Variants in ACAN observed in about 807,000 individuals in gnomAD.
ACAN encodes the protein aggrecan, also known as aggrecan core protein.
ACAN carries 47 observed loss-of-function variants against 169.1 expected under a neutral mutation model. That is an observed-to-expected ratio of 0.28 (90% CI 0.22 to 0.35). The LOEUF (loss-of-function observed/expected upper bound fraction) is 0.35, where lower values mean the gene tolerates loss of function less well. Among genes scored for constraint, ACAN ranks in the 10% least tolerant of loss-of-function variants. ACAN has a pLI of 1.00. For missense variants in ACAN, 2,716 were observed against 2,759.9 expected (o/e 0.98, Z 0.36); for synonymous variants, 1,115 against 1,112.2 (o/e 1.00, Z -0.05).
chr15:88,839,489 C>T lies in ACAN; in HGVS notation c.454+443C>T, dbSNP rs1403544240. 6.6e-6 allele frequency among the ~76,000 whole-genome samples: 1 copy of T among 152,238 alleles called. No homozygotes were observed. The highest frequency in any genetic ancestry group is 2.4e-5 in the African/African-American group (1 of 41,462). On this transcript the variant is annotated intron_variant, in intron 3 of 18. Transcript: ENST00000560601. This position sits in a 1 kb window ranked among gnomAD's most constrained non-coding sequence, Gnocchi z 4.5. ...GCAAGGGCTGAAGACTCCCTGGTCT[C>T]TTTCTCTCCATGGCCCAAGGAGAAC...
chr15:88,841,262 A>T (rs1316821750), intron 4 of ACAN, among the ~76,000 whole-genome samples: 1 of 152,242 alleles, frequency 6.6e-6, no homozygotes, highest in African/African-American at 2.4e-5. Context: ...TAGATTGATG[A>T]TAGCACCTAC....
chr15:88,853,825 T>A (rs537978765), intron 11 of ACAN, among the ~76,000 whole-genome samples: 11 of 147,334 alleles, frequency 7.5e-5, no homozygotes, highest in African/African-American at 2.8e-4. Flanking sequence ...AAGAATCTTT[T>A]TCGGGTCCTG....
chr15:88,857,902 C>T lies in ACAN; in HGVS notation c.5317C>T (p.Leu1773Phe). Residue 1773 changes from leucine to phenylalanine, a missense_variant, in exon 12 of 19, where the codon CTT (leucine) becomes TTT (phenylalanine). Transcript: ENST00000560601. ...PGISGEASGVLYGTSQPFGIT... is the reference protein window; with the variant it reads ...PGISGEASGVFYGTSQPFGIT... ...TATTAGTGGAGAAGCATCTGGAGTT[C>T]TTTATGGCACTAGTCAACCCTTTGG... 2 of 1,613,448 alleles carry T rather than the reference C, an allele frequency of 1.2e-6. No individual in the cohort carries two copies. Among genetic ancestry groups the T allele is most frequent in the Non-Finnish European group, 1.7e-6 (2 of 1,179,662 alleles).
chr15:88,872,989 A>G lies in ACAN; in HGVS notation c.7411A>G (p.Asn2471Asp). ...EKGEWNDVPCNYHLPFTCKKG... is the reference protein window; with the variant it reads ...EKGEWNDVPCDYHLPFTCKKG... ...GGGCGAGTGGAATGATGTTCCCTGCAATTACCACCTCCCCTTCACGTGTAA... is the reference window on the plus strand; with the variant it reads ...GGGCGAGTGGAATGATGTTCCCTGCGATTACCACCTCCCCTTCACGTGTAA... Residue 2471 changes from asparagine to aspartate, a missense_variant, in exon 17 of 19, where the codon AAT becomes GAT. Asn to Asp is a conservative substitution (Grantham distance 23). This residue lies in a region of ACAN where 1,389 missense variants were observed against 1,363.7 expected (regional missense o/e 1.02). Transcript: ENST00000560601. This position sits in a 1 kb window ranked among gnomAD's most constrained non-coding sequence, Gnocchi z 5.4. 2 of 1,613,642 alleles carry G rather than the reference A, an allele frequency of 1.2e-6. No individual in the cohort carries two copies.
In ACAN at chr15:88,859,206, G is replaced by T. The variant is rs768109783; in HGVS notation, c.6621G>T (p.Ser2207=). 1 of 1,613,726 alleles carries T rather than the reference G, an allele frequency of 6.2e-7. No homozygotes were observed. Among genetic ancestry groups the T allele is most frequent in the South Asian group, 1.1e-5 (1 of 91,086 alleles). ...EISGDLSGHT[S]QLGVVISTSI... ...GCGGAGACCTGTCTGGTCACACCTC[G>T]CAGCTGGGCGTTGTCATCAGCACCA... Residue 2207 remains serine, a synonymous_variant, in exon 12 of 19, where the codon TCG becomes TCT. Coordinates refer to ENST00000560601, the MANE Select transcript of ACAN (RefSeq NM_001369268.1).
At chr15:88,825,524 C>G (rs1224804325) in intron 1 of ACAN, among the ~76,000 whole-genome samples, 1 of 152,178 alleles carries the variant, frequency 6.6e-6, no homozygotes, top group Non-Finnish European at 1.5e-5. Context: ...TACCCACCTT[C>G]TAGTGTACCA....
chr15:88,847,804 T>C, intron 8 of ACAN, 107 bp from the exon 9 acceptor site: 1 of 1,386,352 alleles, frequency 7.2e-7, no homozygotes, highest in African/African-American at 1.4e-5. Context: ...ACCAGACAAC[T>C]GAAGACATCT....
intron 1 of ACAN, among the ~76,000 whole-genome samples, chr15:88,817,345 T>C (rs775899466): frequency 1.3e-5 from 2 of 152,112 alleles, no homozygotes; most frequent in Non-Finnish European, 2.9e-5. Flanking sequence ...GGTTTCACTG[T>C]GTTAGCCAGA....
At chr15:88,848,623 A>C (rs1175980471) in intron 9 of ACAN, among the ~76,000 whole-genome samples, 1 of 152,226 alleles carries the variant, frequency 6.6e-6, no homozygotes, top group African/African-American at 2.4e-5. Context: ...AGCATTGCCC[A>C]ATTTTTAACC....
Position 88,873,792 on chromosome 15 carries a change from C to A in ACAN, c.7448-50C>A. On this transcript the variant is annotated intron_variant, in intron 17 of 18. Transcript: ENST00000560601. This position sits in a 1 kb window ranked among gnomAD's most constrained non-coding sequence, Gnocchi z 7.5. ...GCCTCGGGTCACAACCAGCATAGGT[C>A]ATCCCAGGAGACCCTATGAGACCCT... 1.9e-6 allele frequency: 3 copies of A among 1,579,784 alleles called. No homozygotes were observed. The South Asian group carries it at 3.4e-5, about 18-fold the overall frequency.
rs1288087222 is a variant in ACAN at position 88,868,614 on chromosome 15, AAG to A, written c.7060+288_7060+289del. Among the ~76,000 whole-genome samples, 1 of 152,172 alleles carries A rather than the reference AAG, an allele frequency of 6.6e-6. No homozygotes were observed. The highest frequency in any genetic ancestry group is 6.5e-5 in the Admixed American group (1 of 15,288). On this transcript the variant is annotated intron_variant, in intron 14 of 18. Transcript: ENST00000560601. The surrounding 1 kb of genome is among the most constrained non-coding windows in gnomAD (Gnocchi z 5.2). The stretch of plus-strand genomic sequence containing the variant: ...CCGAGGTTGGTGTATGGTTCAGACT[AAG>A]AGGACAGGGCTGATTCTGAGCACTT...
In ACAN at chr15:88,859,045, T is replaced by A; in HGVS notation, c.6460T>A (p.Leu2154Met). 1.2e-6 allele frequency: 2 copies of A among 1,613,894 alleles called. No homozygotes were observed. The highest frequency in any genetic ancestry group is 1.7e-6 in the Non-Finnish European group (2 of 1,179,868). ...SSGLGVSGST[L>M]TFQEGEASAA... ...TGGCCTAGGAGTGAGCGGCAGCACT[T>A]TGACATTTCAAGAAGGCGAGGCGTC... The change falls in exon 12 of 19, where the codon TTG (leucine) becomes ATG (methionine). Residue 2154 changes from leucine to methionine, a missense_variant. Physicochemically the swap from Leu to Met is conservative, Grantham distance 15 (BLOSUM62 2). Around this residue, in one of 3 missense-constraint regions of ACAN, gnomAD observed 1,389 missense variants for 1,363.7 expected, o/e 1.02. Transcript: ENST00000560601.
At position 88,807,342 on chromosome 15, in the gene ACAN, C is replaced by T. The variant is rs371318273; in HGVS notation, c.-8+3533C>T. On this transcript the variant is annotated intron_variant, in intron 1 of 18. Transcript: ENST00000560601. The surrounding 1 kb of genome is among the most constrained non-coding windows in gnomAD (Gnocchi z 4.0). ...TCTTGGGAACAGGAGCCTTCCTCTC[C>T]TGCTGTCAACGGCCTGGCCTCGTGG... Among the ~76,000 whole-genome samples, 4 of 152,358 alleles carry T rather than the reference C, an allele frequency of 2.6e-5. No individual in the cohort carries two copies. The East Asian group carries it at 7.7e-4, about 29-fold the overall frequency.
intron 1 of ACAN, among the ~76,000 whole-genome samples, chr15:88,804,820 A>C (rs1161397668): frequency 1.3e-5 from 2 of 152,204 alleles, no homozygotes; most frequent in Non-Finnish European, 2.9e-5. Flanking sequence ...GAGTTCCAGC[A>C]TGTTGACTGA....
chr15:88,847,735 T>C (rs765230485), intron 8 of ACAN, among the ~76,000 whole-genome samples, 176 bp from the exon 9 acceptor site: 2 of 152,194 alleles, frequency 1.3e-5, no homozygotes, highest in African/African-American at 2.4e-5. Context: ...CACCAGATCC[T>C]TCCCCCAGGC....
In ACAN at chr15:88,873,128, G is replaced by A. The variant is rs1478554627; in HGVS notation, c.7447+103G>A. ...CCTGGGGTGAGTCCCTTGTCTTCTG[G>A]CTGCTGGTGTCTCCTCACTTGTCCA... On this transcript the variant is annotated intron_variant, in intron 17 of 18. Transcript: ENST00000560601. The surrounding 1 kb of genome is among the most constrained non-coding windows in gnomAD (Gnocchi z 7.5). 3 of 1,416,544 alleles carry A rather than the reference G, an allele frequency of 2.1e-6. No homozygotes were observed. Among genetic ancestry groups the A allele is most frequent in the African/African-American group, 2.8e-5 (2 of 70,272 alleles). The allele number at this position is 1,416,544 out of a possible 1,614,324, so 87.7% of individuals were successfully genotyped here. A position where few individuals can be genotyped will look rare whatever the true frequency, so the allele number is the denominator to read the frequency against.
rs1390528581 is a variant in ACAN, at chr15:88,825,723, G to A, written c.-7-10477G>A. On this transcript the variant is annotated intron_variant, in intron 1 of 18. Transcript: ENST00000560601. The stretch of plus-strand genomic sequence containing the variant: ...GAATCACGACAGAGAGGCCAGAGAG[G>A]GGAGAGATTGATGTCATCTTTTCAA... Among the ~76,000 whole-genome samples, 4 of 152,198 alleles carry A rather than the reference G, an allele frequency of 2.6e-5. No individual in the cohort carries two copies. In the East Asian group the frequency reaches 7.7e-4, roughly 29 times the overall value.
chr15:88,830,134 G>T (rs1414528308), intron 1 of ACAN, among the ~76,000 whole-genome samples: 1 of 152,118 alleles, frequency 6.6e-6, no homozygotes, highest in African/African-American at 2.4e-5. Flanking sequence ...CAGGGGAGGT[G>T]ACATGGAGAT....
In ACAN at chr15:88,868,877, T is replaced by A. The variant is rs115787157; in HGVS notation, c.7060+548T>A. On this transcript the variant is annotated intron_variant, in intron 14 of 18. Coordinates refer to ENST00000560601, the MANE Select transcript of ACAN (RefSeq NM_001369268.1). This position sits in a 1 kb window ranked among gnomAD's most constrained non-coding sequence, Gnocchi z 5.2. ...CAAGTCATGCATGAGCAAGGACTGCTGCATGTCACCTTCTTCTCATCACTA... is the reference window on the plus strand; with the variant it reads ...CAAGTCATGCATGAGCAAGGACTGCAGCATGTCACCTTCTTCTCATCACTA... Among the ~76,000 whole-genome samples, 569 of 152,356 alleles carry A rather than the reference T, an allele frequency of 3.7e-3. 2 individuals carry two copies. The highest frequency in any genetic ancestry group is 0.013 in the African/African-American group (547 of 41,576).
Sources: gnomAD v4.1 joint callset for allele counts (sites outside exome capture counted in the v4.1 genomes callset) on GRCh38, gnomAD v4.1.1 for gene constraint, gnomAD v4.1.1 regional missense constraint, Gnocchi (gnomAD v3.1) non-coding constraint, MANE v1.5 for transcripts, NCBI Gene and HGNC (gene_info 2026-07-23, HGNC 2026-07-21) for gene names.